LAMC2: variants seen among roughly 807,000 people sequenced by gnomAD.
LAMC2 encodes the protein laminin subunit gamma 2.
LAMC2 carries 97 observed loss-of-function variants against 140.2 expected under a neutral mutation model. The observed-to-expected ratio is 0.69, with a 90% confidence interval of 0.59 to 0.82. The LOEUF (loss-of-function observed/expected upper bound fraction) is 0.82, where lower values mean the gene tolerates loss of function less well. LAMC2 is among the 40% of genes least tolerant of loss of function. The pLI, the probability that LAMC2 is intolerant of heterozygous loss-of-function variation, is 0.00. For synonymous variants in LAMC2, 513 were observed against 540.2 expected (o/e 0.95, Z 0.70); for missense variants, 1,402 against 1,476.1 (o/e 0.95, Z 0.82).
intron 14 of LAMC2, among the ~76,000 whole-genome samples, chr1:183,233,252 A>G (rs1196054770): frequency 6.6e-6 from 1 of 152,170 alleles, no homozygotes; most frequent in Non-Finnish European, 1.5e-5. Context: ...GGATAAATGA[A>G]TGAATGAATG....
downstream of LAMC2, among the ~76,000 whole-genome samples, chr1:183,247,198 G>A (rs145561942): frequency 5.3e-4 from 81 of 152,266 alleles, no homozygotes; most frequent in African/African-American, 1.7e-3. Context: ...TGTAATCCCA[G>A]TTACTCTAGA....
chr1:183,208,690 G>GT (rs1658977504), intron 2 of LAMC2, among the ~76,000 whole-genome samples: 1 of 151,958 alleles, frequency 6.6e-6, no homozygotes, highest in African/African-American at 2.4e-5. Flanking sequence ...GTTTTGTTTT[G>GT]TTTTTTTGAG....
At chr1:183,198,955 T>C (rs1375375795) in intron 1 of LAMC2, among the ~76,000 whole-genome samples, 1 of 152,166 alleles carries the variant, frequency 6.6e-6, no homozygotes, top group Non-Finnish European at 1.5e-5. Context: ...CCATGGATTT[T>C]TTTGCTTGGA....
chr1:183,221,043 C>G (rs1173954015), intron 5 of LAMC2, 82 bp downstream of exon 5: 7 of 1,277,206 alleles, frequency 5.5e-6, no homozygotes, highest in Non-Finnish European at 8.0e-6. Context: ...TCCGCATTCA[C>G]AGGATGGATT....
Position 183,188,624 on chromosome 1 carries a change from AACAATT to A in LAMC2, c.79+2196_79+2201del, listed in dbSNP as rs1311368086. Among the ~76,000 whole-genome samples the A allele has an allele frequency of 6.6e-5, 10 of 152,328 alleles. No individual in the cohort carries two copies. The South Asian group carries it at 1.9e-3, about 28-fold the overall frequency. ...ACCTTGTAGAGTTTTTGAAAGGATG[AACAATT>A]ACTGTAAAGTGCCTTAAAATGCCTG... is the stretch of plus-strand genomic sequence containing the variant. On this transcript the variant is annotated intron_variant, in intron 1 of 22. Coordinates refer to ENST00000264144, the MANE Select transcript of LAMC2 (RefSeq NM_005562.3).
chr1:183,209,251 C>T (rs1658999945), intron 2 of LAMC2, among the ~76,000 whole-genome samples: 1 of 152,136 alleles, frequency 6.6e-6, no homozygotes, highest in African/African-American at 2.4e-5. Flanking sequence ...TATTGATCCA[C>T]TTAAAGCATA....
Position 183,239,509 on chromosome 1 carries a change from G to C in LAMC2, c.3015G>C (p.Gln1005His), listed in dbSNP as rs749008433. 6.2e-7 allele frequency: 1 copy of C among 1,613,436 alleles called. No homozygotes were observed. The change falls in exon 20 of 23, where the codon CAG (glutamine) becomes CAC (histidine). Residue 1005 changes from glutamine to histidine, a missense_variant. Gln to His is a conservative substitution (Grantham distance 24). Transcript: ENST00000264144. ...TGGGGAGCGCTGCTGCTGATGCACA[G>C]AGGGCAAAGAATGGGGCCGGGGAGG... ...RALGSAAADA[Q>H]RAKNGAGEAL...
rs1659643028 is a variant in LAMC2, at chr1:183,226,886, C to G, written c.1255C>G (p.Gln419Glu). 6.2e-7 allele frequency: 1 copy of G among 1,614,004 alleles called. No individual in the cohort carries two copies. The highest frequency in any genetic ancestry group is 8.5e-7 in the Non-Finnish European group (1 of 1,179,984). ...PFGTCIPCNC[Q>E]GGGACDPDTG... The stretch of plus-strand genomic sequence containing the variant: ...TGGCACCTGTATTCCTTGTAACTGT[C>G]AAGGGGGAGGGGCCTGTGATCCAGA... Residue 419 changes from glutamine (Q) to glutamate (E), a missense_variant, in exon 9 of 23, where the codon CAA becomes GAA. Coordinates refer to ENST00000264144, the MANE Select transcript of LAMC2 (RefSeq NM_005562.3).
downstream of LAMC2, among the ~76,000 whole-genome samples, chr1:183,245,613 C>A (rs1384644479): frequency 1.7e-4 from 26 of 152,206 alleles, 1 homozygote; most frequent in Admixed American, 1.7e-3. Flanking sequence ...GAGGGCCTCA[C>A]GTGCCATGGT....
intron 3 of LAMC2, among the ~76,000 whole-genome samples, chr1:183,216,271 G>A (rs942617): frequency 6.6e-6 from 1 of 151,936 alleles, no homozygotes; most frequent in African/African-American, 2.4e-5. Context: ...GTCCCAAGTT[G>A]TCATACTCTC....
intron 6 of LAMC2, among the ~76,000 whole-genome samples, 173 bp downstream of exon 6, chr1:183,222,384 A>C (rs1571525253): frequency 1.3e-5 from 2 of 152,300 alleles, no homozygotes; most frequent in South Asian, 2.1e-4. Flanking sequence ...TTTGAGAGTC[A>C]CTAAGGAATG....
At position 183,240,221 on chromosome 1, in the gene LAMC2, G is replaced by A. The variant is rs763842877; in HGVS notation, c.3228+23G>A. 1.1e-5 allele frequency: 18 copies of A among 1,614,048 alleles called. No individual in the cohort carries two copies. The Middle Eastern group carries it at 4.9e-4, about 44-fold the overall frequency. On this transcript the variant is annotated intron_variant, in intron 21 of 22. Coordinates refer to ENST00000264144, the MANE Select transcript of LAMC2 (RefSeq NM_005562.3). ...ATGGTGAGTTCCTGTTGCTTTCCAC[G>A]GGAGATCCCTTTCAACTTGCCAAAA...
chr1:183,210,662 G>A (rs929621340), intron 2 of LAMC2, among the ~76,000 whole-genome samples: 1 of 152,198 alleles, frequency 6.6e-6, no homozygotes, highest in African/African-American at 2.4e-5. Flanking sequence ...CAAAAAGCTT[G>A]ATGGATATTA....
the LAMC2 span, chr1:183,252,668 G>A: frequency 1.9e-5 from 31 of 1,613,902 alleles, no homozygotes; most frequent in South Asian, 7.7e-5. Flanking sequence ...TGTACAGCTG[G>A]CTTTTGAGGA....
At chr1:183,257,227 G>A in the LAMC2 span, among the ~76,000 whole-genome samples, 1 of 152,038 alleles carries the variant, frequency 6.6e-6, no homozygotes, top group Admixed American at 6.5e-5. Flanking sequence ...TGGATCACAA[G>A]CTCAGGAGTT....
chr1:183,230,823 A>G, intron 11 of LAMC2, 138 bp from the exon 12 acceptor site: 1 of 958,308 alleles, frequency 1.0e-6, no homozygotes, highest in Non-Finnish European at 1.6e-6. Context: ...CCTAAGACCT[A>G]TCTGTATTAA....
chr1:183,215,527 C>T lies in LAMC2; in HGVS notation c.343C>T (p.Arg115Ter), dbSNP rs149930148. Residue 115 changes from arginine to a stop codon, truncating the protein, a stop_gained, in exon 3 of 23, where the codon CGA becomes TGA. Transcript: ENST00000264144. LOFTEE classifies it high-confidence loss of function. ...AGGTGTGACAGGAGCCAGATGCGAC[C>T]GATGTCTGCCAGGCTTCCACATGCT... ...KPGVTGARCDRCLPGFHMLTD... is the reference protein window; with the variant it reads ...KPGVTGARCD The T allele has an allele frequency of 2.5e-6, 4 of 1,614,180 alleles. No individual in the cohort carries two copies. The highest frequency in any genetic ancestry group is 2.2e-5 in the East Asian group (1 of 44,876).
chr1:183,201,576 T>A (rs773731425), intron 1 of LAMC2, among the ~76,000 whole-genome samples: 15 of 152,310 alleles, frequency 9.8e-5, no homozygotes, highest in South Asian at 2.1e-4. Context: ...ATATGATACA[T>A]GCTTGACACA....
intron 7 of LAMC2, among the ~76,000 whole-genome samples, chr1:183,225,059 G>GT (rs60364205): frequency 4.6e-5 from 7 of 151,984 alleles, no homozygotes; most frequent in Non-Finnish European, 8.8e-5. Flanking sequence ...TCCTGGATGA[G>GT]TAAAAAACAA....
Sources: allele counts gnomAD v4.1 joint callset (sites outside exome capture counted in the v4.1 genomes callset), GRCh38; gene constraint gnomAD v4.1.1; transcripts MANE v1.5; gene names NCBI Gene and HGNC (gene_info 2026-07-23, HGNC 2026-07-21).